Variants in TLN2 observed in about 807,000 individuals in gnomAD.
TLN2 encodes the protein talin-2.
Under a neutral mutation model 294.7 loss-of-function variants are expected in TLN2, and 118 were observed. The ratio of observed to expected loss-of-function variants is 0.40; its 90% CI spans 0.34 to 0.47. The LOEUF (loss-of-function observed/expected upper bound fraction) is 0.47. TLN2 is among the 20% of genes least tolerant of loss of function. The probability of loss-of-function intolerance (pLI) is 0.84; values close to 1 mark genes in which losing one functional copy is unlikely to be tolerated. For synonymous variants in TLN2, 1,431 were observed against 1,304.5 expected (o/e 1.10, Z -2.09); for missense variants, 3,083 against 3,282.2 (o/e 0.94, Z 1.48).
rs150483182 is a variant in TLN2 at position 62,741,799 on chromosome 15, G to GT, written c.4025+1036dup. Among the ~76,000 whole-genome samples the GT allele has an allele frequency of 7.2e-5, 9 of 124,266 alleles. No individual in the cohort carries two copies. The East Asian group carries it at 2.4e-3, about 33-fold the overall frequency. The allele number at this position is 124,266 out of a possible 152,430, so 81.5% of individuals were successfully genotyped here. On this transcript the variant is annotated intron_variant, in intron 32 of 58. Coordinates refer to ENST00000636159, the MANE Select transcript of TLN2 (RefSeq NM_015059.3). ...TGTCTCCCCTGGGAGATCATTGGCTGTTTTTTAAATTGTCGGCATCAAGAG... is the reference window on the plus strand; with the variant it reads ...TGTCTCCCCTGGGAGATCATTGGCTGTTTTTTTAAATTGTCGGCATCAAGAG...
chr15:62,765,489 G>A (rs570810068), intron 40 of TLN2, among the ~76,000 whole-genome samples: 2 of 152,278 alleles, frequency 1.3e-5, no homozygotes, highest in Admixed American at 1.3e-4. Flanking sequence ...TACTTTGGCA[G>A]AGTTCACTCA....
intron 1 of TLN2, among the ~76,000 whole-genome samples, chr15:62,433,643 T>C (rs2035136624): frequency 6.6e-6 from 1 of 152,118 alleles, no homozygotes; most frequent in Non-Finnish European, 1.5e-5. Flanking sequence ...TTCCCCCAGA[T>C]GGCCTTTGTA....
At chr15:62,639,209 T>C (rs1285473297) in intron 3 of TLN2, among the ~76,000 whole-genome samples, 2 of 150,500 alleles carry the variant, frequency 1.3e-5, no homozygotes, top group Non-Finnish European at 2.9e-5. Flanking sequence ...ATGGCAAATA[T>C]ATTCCTGACA....
intron 1 of TLN2, among the ~76,000 whole-genome samples, chr15:62,546,846 C>G (rs923502641): frequency 1.3e-5 from 2 of 152,190 alleles, no homozygotes; most frequent in African/African-American, 4.8e-5. Context: ...GAACAAATCT[C>G]CTGGTAGTAA....
intron 1 of TLN2, among the ~76,000 whole-genome samples, chr15:62,563,332 T>C (rs2043136461): frequency 6.6e-6 from 1 of 152,240 alleles, no homozygotes; most frequent in Admixed American, 6.5e-5. Flanking sequence ...TTGATTTGCA[T>C]TTCCCTGATC....
intron 1 of TLN2, among the ~76,000 whole-genome samples, chr15:62,432,916 A>G (rs1459936439): frequency 2.0e-5 from 3 of 152,136 alleles, no homozygotes; most frequent in African/African-American, 4.8e-5. Flanking sequence ...CCTACGAGCC[A>G]AGGAGAAGCC....
At chr15:62,510,060 G>A (rs374881374) in intron 1 of TLN2, among the ~76,000 whole-genome samples, 1 of 152,224 alleles carries the variant, frequency 6.6e-6, no homozygotes, top group Non-Finnish European at 1.5e-5. Flanking sequence ...GATCTTCCCA[G>A]TAGTCTGTAT....
chr15:62,485,859 G>A (rs1302276286), intron 1 of TLN2, among the ~76,000 whole-genome samples: 1 of 152,078 alleles, frequency 6.6e-6, no homozygotes, highest in Non-Finnish European at 1.5e-5. Context: ...CCATCACCTG[G>A]GTCTGTGGGT....
At chr15:62,616,947 C>T (rs75173187) in intron 2 of TLN2, among the ~76,000 whole-genome samples, 3,747 of 152,172 alleles carry the variant, frequency 0.025, 71 homozygotes, top group Middle Eastern at 0.054. Flanking sequence ...CCCATCTGGC[C>T]TGGCTATGAC....
chr15:62,699,279 A>G (rs564543930), intron 16 of TLN2, among the ~76,000 whole-genome samples: 3 of 152,284 alleles, frequency 2.0e-5, no homozygotes, highest in East Asian at 1.9e-4. Context: ...CTCAGTAAGC[A>G]TTAGCTGTTT....
chr15:62,737,626 A>AGG (rs2061096928), intron 29 of TLN2, among the ~76,000 whole-genome samples: 1 of 152,182 alleles, frequency 6.6e-6, no homozygotes, highest in Non-Finnish European at 1.5e-5. Context: ...CTTTTAATTG[A>AGG]GGATACCAAA....
intron 1 of TLN2, among the ~76,000 whole-genome samples, chr15:62,495,068 G>T (rs993804681): frequency 6.6e-6 from 1 of 152,166 alleles, no homozygotes; most frequent in African/African-American, 2.4e-5. Flanking sequence ...GCTACCCTGG[G>T]CCCCTGAGCC....
intron 1 of TLN2, among the ~76,000 whole-genome samples, chr15:62,486,367 C>T (rs1030492720): frequency 1.3e-5 from 2 of 151,912 alleles, no homozygotes; most frequent in African/African-American, 2.4e-5. Context: ...TCTTCTCCTG[C>T]CCTAGGATTC....
intron 1 of TLN2, among the ~76,000 whole-genome samples, chr15:62,528,669 G>GAT (rs2040863940): frequency 3.2e-5 from 3 of 93,582 alleles, no homozygotes; most frequent in African/African-American, 1.4e-4. Flanking sequence ...TCCAGAGCTT[G>GAT]CTTTTTTTTT....
At chr15:62,640,148 G>A (rs527288914) in intron 3 of TLN2, 35 of 455,400 alleles carry the variant, frequency 7.7e-5, no homozygotes, top group African/African-American at 6.4e-4. Flanking sequence ...CCAGTGCATG[G>A]TGGGTTCTTA....
intron 2 of TLN2, among the ~76,000 whole-genome samples, chr15:62,596,965 G>C (rs1236551651): frequency 2.6e-5 from 4 of 152,028 alleles, no homozygotes; most frequent in East Asian, 1.9e-4. Context: ...TTGCAACTCA[G>C]CTCCTCACTT....
At chr15:62,797,487 C>A in intron 48 of TLN2, 85 bp downstream of exon 48, 2 of 1,432,474 alleles carry the variant, frequency 1.4e-6, no homozygotes, top group Non-Finnish European at 1.8e-6. Context: ...TAAGGCAGAA[C>A]AGGAACTTTT....
At chr15:62,432,055 T>C (rs750311638) in intron 1 of TLN2, among the ~76,000 whole-genome samples, 26 of 152,204 alleles carry the variant, frequency 1.7e-4, no homozygotes, top group Non-Finnish European at 3.7e-4. Context: ...CTCAGAATCA[T>C]AGCAGGCCTC....
At chr15:62,838,455 G>A (rs749854791) in intron 57 of TLN2, among the ~76,000 whole-genome samples, 27 of 152,332 alleles carry the variant, frequency 1.8e-4, no homozygotes, top group South Asian at 6.2e-4. Context: ...TGATGTCTGC[G>A]CCAAGTCCTC....
Sources: allele counts gnomAD v4.1 joint callset (sites outside exome capture counted in the v4.1 genomes callset), GRCh38; gene constraint gnomAD v4.1.1; transcripts MANE v1.5; gene names NCBI Gene and HGNC (gene_info 2026-07-23, HGNC 2026-07-21).